The following GRID2 variants were observed in gnomAD, a reference collection of about 807,000 sequenced individuals.
The protein encoded by GRID2 is glutamate receptor ionotropic, delta-2.
A neutral mutation model predicts 114.8 loss-of-function variants in GRID2; 33 were observed. The ratio of observed to expected loss-of-function variants is 0.29; its 90% CI spans 0.22 to 0.38. GRID2 has a LOEUF of 0.38. GRID2 is among the 10% of genes least tolerant of loss of function. The pLI is 1.00. For synonymous variants in GRID2, 505 were observed against 449.9 expected, an observed-to-expected ratio of 1.12 and a Z score of -1.55; for missense variants, 1,184 against 1,257.7, an observed-to-expected ratio of 0.94 and a Z score of 0.89.
At chr4:93,304,431 T>C (rs1755203048) in intron 8 of GRID2, among the ~76,000 whole-genome samples, 2 of 151,886 alleles carry the variant, frequency 1.3e-5, no homozygotes, top group Admixed American at 6.6e-5. Context: ...GAGGTGCTTT[T>C]TTCCCCCCTT....
At chr4:93,605,578 A>G (rs2149650137) in intron 13 of GRID2, among the ~76,000 whole-genome samples, 1 of 152,340 alleles carries the variant, frequency 6.6e-6, no homozygotes, top group Middle Eastern at 3.4e-3. Context: ...ATATAGTAAT[A>G]GTTGAATGAA....
chr4:92,630,687 A>G (rs1197033633), intron 2 of GRID2, among the ~76,000 whole-genome samples: 1 of 152,072 alleles, frequency 6.6e-6, no homozygotes, highest in Non-Finnish European at 1.5e-5. Flanking sequence ...GAAAGTAGGT[A>G]TTTGTAACAT....
intron 1 of GRID2, among the ~76,000 whole-genome samples, chr4:92,502,705 C>CTTTTTT (rs70940901): frequency 3.1e-5 from 2 of 63,938 alleles, no homozygotes; most frequent in Non-Finnish European, 5.4e-5. Context: ...CATGTGATTT[C>CTTTTTT]TTTTTTTTTT....
chr4:92,643,279 C>T (rs1425780899), intron 2 of GRID2, among the ~76,000 whole-genome samples: 2 of 151,592 alleles, frequency 1.3e-5, no homozygotes, highest in African/African-American at 4.8e-5. Context: ...ATTTATTTCA[C>T]CAGTGTTTTA....
At chr4:93,257,995 TATATACACAC>T (rs202183395) in intron 8 of GRID2, among the ~76,000 whole-genome samples, 8,045 of 41,600 alleles carry the variant, frequency 0.19, 536 homozygotes, top group African/African-American at 0.3. Flanking sequence ...TATATATATA[TATATACACAC>T]ACACACACAC....
At chr4:92,693,139 T>G (rs1238275735) in intron 2 of GRID2, among the ~76,000 whole-genome samples, 1 of 152,050 alleles carries the variant, frequency 6.6e-6, no homozygotes, top group Admixed American at 6.6e-5. Flanking sequence ...ATTTAAATCT[T>G]TCCCCCTTTA....
At position 92,466,946 on chromosome 4, in the gene GRID2, G is replaced by A. The variant is rs578213414; in HGVS notation, c.89-123185G>A. On this transcript the variant is annotated intron_variant, in intron 1 of 15. Transcript: ENST00000282020. The stretch of plus-strand genomic sequence containing the variant: ...GAAAGTAGTTTTTGCCTTATTCCTC[G>A]AATTAACGGTGTAGAGAGACTCAAT... 1.4e-3 allele frequency among the ~76,000 whole-genome samples: 216 copies of A among 151,540 alleles called. 1 individual carries two copies. Among genetic ancestry groups the A allele is most frequent in the Middle Eastern group, 3.5e-3 (1 of 288 alleles).
intron 2 of GRID2, among the ~76,000 whole-genome samples, chr4:93,080,683 A>C (rs1729781199): frequency 6.6e-6 from 1 of 152,184 alleles, no homozygotes; most frequent in Non-Finnish European, 1.5e-5. Context: ...TGTCATATAC[A>C]TTCTCTGATC....
At chr4:92,898,323 A>G (rs763346856) in intron 2 of GRID2, among the ~76,000 whole-genome samples, 2 of 152,124 alleles carry the variant, frequency 1.3e-5, no homozygotes, top group Non-Finnish European at 2.9e-5. Flanking sequence ...ATCCATTTTT[A>G]ACCATATATA....
chr4:92,959,872 G>A (rs1167831740), intron 2 of GRID2, among the ~76,000 whole-genome samples: 11 of 151,946 alleles, frequency 7.2e-5, no homozygotes, highest in Non-Finnish European at 1.5e-5. Flanking sequence ...GGTAGCTAGG[G>A]TAGAGATAGC....
chr4:92,443,678 G>A (rs908786717), intron 1 of GRID2, among the ~76,000 whole-genome samples: 31 of 152,052 alleles, frequency 2.0e-4, no homozygotes, highest in African/African-American at 7.0e-4. Context: ...CTTGCCCTGT[G>A]CCCGGAAAAG....
At chr4:92,355,664 T>C (rs182454422) in intron 1 of GRID2, among the ~76,000 whole-genome samples, 84 of 151,952 alleles carry the variant, frequency 5.5e-4, no homozygotes, top group African/African-American at 1.9e-3. Context: ...AACAAAAATA[T>C]TTGGAACAAA....
chr4:93,099,709 G>A (rs1277803361), intron 3 of GRID2, among the ~76,000 whole-genome samples: 3 of 151,828 alleles, frequency 2.0e-5, no homozygotes, highest in African/African-American at 4.8e-5. Flanking sequence ...TCAGTACATA[G>A]TCTAGTGATC....
At position 92,620,995 on chromosome 4, in the gene GRID2, C is replaced by CAAA. The variant is rs67388525; in HGVS notation, c.244+30723_244+30725dup. Among the ~76,000 whole-genome samples, 108 of 112,288 alleles carry CAAA rather than the reference C, an allele frequency of 9.6e-4. 1 individual carries two copies. Among genetic ancestry groups the CAAA allele is most frequent in the African/African-American group, 2.9e-3 (84 of 29,448 alleles). The allele number at this position is 112,288 out of a possible 152,430, so 73.7% of individuals were successfully genotyped here. On this transcript the variant is annotated intron_variant, in intron 2 of 15. Coordinates refer to ENST00000282020, the MANE Select transcript of GRID2 (RefSeq NM_001510.4). Reference sequence around the variant, plus strand: ...GCTAGAGGAACAAAATAAAGAATGCCAAAAAAAAAAAAAAAAGAATTTTAA... The same window carrying CAAA: ...GCTAGAGGAACAAAATAAAGAATGCCAAAAAAAAAAAAAAAAAAAGAATTTTAA...
rs1722300945 is a variant in GRID2, at chr4:92,476,101, C to T, written c.89-114030C>T. 2.0e-5 allele frequency among the ~76,000 whole-genome samples: 3 copies of T among 149,686 alleles called. No homozygotes were observed. In the South Asian group the frequency reaches 6.4e-4, roughly 32 times the overall value. ...AGTGCAGTGGCGCAATCTTGGCTCA[C>T]TGCAAGCTCCGCCTCCCGTGTTCAC... On this transcript the variant is annotated intron_variant, in intron 1 of 15. Coordinates refer to ENST00000282020, the MANE Select transcript of GRID2 (RefSeq NM_001510.4).
At chr4:93,223,550 C>T (rs1467470756) in intron 6 of GRID2, among the ~76,000 whole-genome samples, 5 of 152,024 alleles carry the variant, frequency 3.3e-5, no homozygotes, top group Admixed American at 6.6e-5. Context: ...AATTATAACC[C>T]GAGGACAATC....
chr4:93,487,383 T>C (rs1726519117), intron 11 of GRID2, among the ~76,000 whole-genome samples: 1 of 151,904 alleles, frequency 6.6e-6, no homozygotes, highest in Non-Finnish European at 1.5e-5. Flanking sequence ...TCAGAATACT[T>C]TTCTTATACA....
chr4:92,341,752 A>C (rs1727500718), intron 1 of GRID2, among the ~76,000 whole-genome samples: 1 of 151,938 alleles, frequency 6.6e-6, no homozygotes, highest in Non-Finnish European at 1.5e-5. Context: ...ATCTCTACTA[A>C]AAATACAAAA....
In GRID2 at chr4:92,451,842, T is replaced by C. The variant is rs546516631; in HGVS notation, c.89-138289T>C. 2.2e-4 allele frequency among the ~76,000 whole-genome samples: 33 copies of C among 152,320 alleles called. No individual in the cohort carries two copies. The South Asian group carries it at 6.8e-3, about 32-fold the overall frequency. The stretch of plus-strand genomic sequence containing the variant: ...TATCAAAAGAGCCTAAGTATTCATC[T>C]CAAATTGAGCCTAGAAAATTAGACT... On this transcript the variant is annotated intron_variant, in intron 1 of 15. Coordinates refer to ENST00000282020, the MANE Select transcript of GRID2 (RefSeq NM_001510.4).
Sources: gnomAD v4.1 joint callset for allele counts (sites outside exome capture counted in the v4.1 genomes callset) on GRCh38, gnomAD v4.1.1 for gene constraint, MANE v1.5 for transcripts, NCBI Gene and HGNC (gene_info 2026-07-23, HGNC 2026-07-21) for gene names.